The following TMTC4 variants were observed in gnomAD, a reference collection of about 807,000 sequenced individuals.
TMTC4 encodes the protein transmembrane O-mannosyltransferase targeting cadherins 4, also known as protein O-mannosyl-transferase TMTC4.
A neutral mutation model predicts 86.0 loss-of-function variants in TMTC4; 65 were observed. The observed-to-expected ratio is 0.76, with a 90% confidence interval of 0.62 to 0.93. The LOEUF is 0.93. TMTC4 is among the 40% of genes least tolerant of loss of function. TMTC4 has a pLI of 0.00. For missense variants in TMTC4, 866 were observed against 948.1 expected, an observed-to-expected ratio of 0.91 and a Z score of 1.14; for synonymous variants, 379 against 382.5, an observed-to-expected ratio of 0.99 and a Z score of 0.11.
chr13:100,658,362 T>C lies in TMTC4; in HGVS notation c.553-1894A>G, dbSNP rs76846330. 1.5e-3 allele frequency among the ~76,000 whole-genome samples: 223 copies of C among 152,152 alleles called. 4 individuals carry two copies. The East Asian group carries it at 0.019, about 13-fold the overall frequency. ...GGAGGCAGCTGGTGCATCCTGGCTT[T>C]GTGGTCCTCACGCCAGGAGGACATG... On this transcript the variant is annotated intron_variant, in intron 5 of 18. Transcript: ENST00000342624.
At chr13:100,628,832 C>T (rs1174925484) in intron 12 of TMTC4, among the ~76,000 whole-genome samples, 7 of 152,178 alleles carry the variant, frequency 4.6e-5, no homozygotes, top group Admixed American at 4.6e-4. Flanking sequence ...CCAGACTACA[C>T]AAGCTCACGA....
chr13:100,636,479 A>T, intron 10 of TMTC4, 53 bp downstream of exon 10: 1 of 1,603,002 alleles, frequency 6.2e-7, no homozygotes, highest in Middle Eastern at 1.9e-4. Context: ...GGATTTCACA[A>T]AACGCTTCTG....
intron 1 of TMTC4, chr13:100,674,057 T>C: frequency 2.0e-6 from 2 of 985,038 alleles, no homozygotes; most frequent in Non-Finnish European, 2.4e-6. Flanking sequence ...AGCCACAACA[T>C]CAACAAGACC....
chr13:100,643,953 T>C (rs1883368195), intron 6 of TMTC4, among the ~76,000 whole-genome samples: 1 of 151,930 alleles, frequency 6.6e-6, no homozygotes, highest in Non-Finnish European at 1.5e-5. Context: ...AATTAACAAG[T>C]GTTTGTGTGT....
At chr13:100,660,031 A>G (rs1885572955) in intron 5 of TMTC4, among the ~76,000 whole-genome samples, 1 of 151,416 alleles carries the variant, frequency 6.6e-6, no homozygotes, top group African/African-American at 2.4e-5. Context: ...AAATGTTAAT[A>G]TAAAGAAATT....
chr13:100,627,403 G>A (rs943678624), intron 12 of TMTC4, among the ~76,000 whole-genome samples: 1 of 152,218 alleles, frequency 6.6e-6, no homozygotes, highest in Non-Finnish European at 1.5e-5. Flanking sequence ...CCTGGAGGCT[G>A]AGATCACGGT....
intron 17 of TMTC4, among the ~76,000 whole-genome samples, chr13:100,610,667 G>C (rs1262634256): frequency 6.6e-6 from 1 of 152,208 alleles, no homozygotes; most frequent in Non-Finnish European, 1.5e-5. Context: ...TTGGGGGTGG[G>C]GGAGGAAGAA....
chr13:100,610,247 C>T (rs1877348652), intron 17 of TMTC4, among the ~76,000 whole-genome samples: 1 of 152,206 alleles, frequency 6.6e-6, no homozygotes. Context: ...CTGCGACTCA[C>T]CACATCCCCT....
chr13:100,674,010 G>C (rs1264482769), intron 1 of TMTC4: 2 of 985,046 alleles, frequency 2.0e-6, no homozygotes, highest in Non-Finnish European at 2.4e-6. Flanking sequence ...TCTTTTGTGT[G>C]TGGTTTAAAA....
intron 16 of TMTC4, 87 bp downstream of exon 16, chr13:100,614,229 A>T (rs1365240329): frequency 1.0e-6 from 1 of 983,916 alleles, no homozygotes; most frequent in Non-Finnish European, 1.5e-6. Flanking sequence ...GTAGGAAAAA[A>T]GCACAATAAT....
intron 6 of TMTC4, among the ~76,000 whole-genome samples, chr13:100,650,400 C>G (rs1594337626): frequency 6.6e-6 from 1 of 152,366 alleles, no homozygotes; most frequent in Admixed American, 6.5e-5. Context: ...TTTAATGAAG[C>G]ACGTGCCTCG....
At position 100,621,574 on chromosome 13, in the gene TMTC4, T is replaced by C. The variant is rs369232593; in HGVS notation, c.1836+3961A>G. 2.8e-3 allele frequency among the ~76,000 whole-genome samples: 423 copies of C among 152,246 alleles called. 4 individuals carry two copies. In the East Asian group the frequency reaches 0.03, roughly 11 times the overall value. On this transcript the variant is annotated intron_variant, in intron 15 of 18. Transcript: ENST00000342624. ...CTGAGTAGCTGGGACTATAGGCGCC[T>C]GCCACCACGCCTGGCTAATTTTTTG...
chr13:100,659,994 T>C (rs558800612), intron 5 of TMTC4, among the ~76,000 whole-genome samples: 1 of 149,510 alleles, frequency 6.7e-6, no homozygotes, highest in Non-Finnish European at 1.5e-5. Flanking sequence ...TGCTGGAGAG[T>C]GGTAAAGACC....
chr13:100,635,238 T>G, intron 10 of TMTC4, 43 bp from the exon 11 acceptor site: 1 of 1,483,118 alleles, frequency 6.7e-7, no homozygotes, highest in Non-Finnish European at 9.0e-7. Flanking sequence ...ATTTCCAGAC[T>G]TCTCAAGAAA....
At chr13:100,671,554 G>A (rs1887109201) in intron 1 of TMTC4, among the ~76,000 whole-genome samples, 1 of 152,182 alleles carries the variant, frequency 6.6e-6, no homozygotes, top group African/African-American at 2.4e-5. Context: ...TAGGAGGCCA[G>A]GTCCAGACTC....
chr13:100,655,566 C>A (rs990529700), intron 6 of TMTC4, among the ~76,000 whole-genome samples: 3 of 152,266 alleles, frequency 2.0e-5, no homozygotes, highest in South Asian at 2.1e-4. Context: ...AGGTCTCTGG[C>A]GGCTGTGTCT....
At chr13:100,668,285 G>C (rs1010977970) in intron 3 of TMTC4, 1 of 327,690 alleles carries the variant, frequency 3.1e-6, no homozygotes, top group Non-Finnish European at 5.6e-6. Flanking sequence ...GCAACACCCT[G>C]CAATGCCCTT....
intron 12 of TMTC4, among the ~76,000 whole-genome samples, chr13:100,628,127 G>A (rs1026819537): frequency 6.6e-6 from 1 of 152,164 alleles, no homozygotes; most frequent in African/African-American, 2.4e-5. Flanking sequence ...GTACAGGATA[G>A]GCTGACGTGG....
chr13:100,643,381 C>A (rs1363054649), intron 6 of TMTC4, among the ~76,000 whole-genome samples: 1 of 152,226 alleles, frequency 6.6e-6, no homozygotes, highest in Non-Finnish European at 1.5e-5. Context: ...CTGCGTGACA[C>A]TGAGCAAGTG....
Sources: gnomAD v4.1 joint callset for allele counts (sites outside exome capture counted in the v4.1 genomes callset) on GRCh38, gnomAD v4.1.1 for gene constraint, MANE v1.5 for transcripts, NCBI Gene and HGNC (gene_info 2026-07-23, HGNC 2026-07-21) for gene names.